MED13: variants seen among roughly 807,000 people sequenced by gnomAD.
MED13 encodes the protein mediator complex subunit 13.
In MED13, 23 loss-of-function variants were observed where a neutral mutation model predicts 225.2. That is an observed-to-expected ratio of 0.10 (90% confidence interval 0.07 to 0.14). The LOEUF (loss-of-function observed/expected upper bound fraction) is 0.14, where lower values mean the gene tolerates loss of function less well. MED13 is among the 10% of genes least tolerant of loss of function. The pLI, the probability that MED13 is intolerant of heterozygous loss-of-function variation, is 1.00. For synonymous variants in MED13, 942 were observed against 889.2 expected, an observed-to-expected ratio of 1.06 and a Z score of -1.06; for missense variants, 2,197 against 2,594.5, an observed-to-expected ratio of 0.85 and a Z score of 3.33.
intron 8 of MED13, among the ~76,000 whole-genome samples, chr17:62,011,755 G>A (rs1381828207): frequency 1.3e-5 from 2 of 151,976 alleles, no homozygotes; most frequent in African/African-American, 2.4e-5. Flanking sequence ...CTGATTGATG[G>A]GCCTCACACC....
chr17:62,015,955 T>TATATATATATATATATA (rs1491450985), intron 8 of MED13, among the ~76,000 whole-genome samples: 4 of 4,030 alleles, frequency 9.9e-4, no homozygotes, highest in Non-Finnish European at 1.3e-3. Flanking sequence ...TATATATATA[T>TATATATATATATATATA]TTTTTTTTTT....
At chr17:61,960,099 G>T (rs546687353) in intron 23 of MED13, among the ~76,000 whole-genome samples, 6 of 152,118 alleles carry the variant, frequency 3.9e-5, no homozygotes, top group African/African-American at 9.6e-5. Context: ...GCGTTCACTA[G>T]CCTTGAAAAC....
At chr17:61,965,663 G>A (rs373919758) in intron 19 of MED13, among the ~76,000 whole-genome samples, 195 bp from the exon 20 acceptor site, 3 of 151,874 alleles carry the variant, frequency 2.0e-5, no homozygotes, top group Non-Finnish European at 4.4e-5. Context: ...ATTTAAAATG[G>A]AATTGAAAAA....
chr17:62,009,390 G>GA (rs991923742), intron 9 of MED13, among the ~76,000 whole-genome samples: 15 of 151,288 alleles, frequency 9.9e-5, no homozygotes, highest in Non-Finnish European at 2.1e-4. Context: ...TAATACATCA[G>GA]AAAAAAAAGA....
intron 16 of MED13, among the ~76,000 whole-genome samples, chr17:61,973,986 AAAAAACAAAAAC>A (rs796790534): frequency 2.0e-5 from 3 of 152,176 alleles, no homozygotes; most frequent in African/African-American, 7.2e-5. Flanking sequence ...CTGTTGTCTC[AAAAAACAAAAAC>A]AAAAACAAAA....
chr17:61,975,145 A>G (rs2080143040), intron 16 of MED13, among the ~76,000 whole-genome samples: 1 of 152,104 alleles, frequency 6.6e-6, no homozygotes. Flanking sequence ...ATCTTAAAAA[A>G]AAAAAAAATG....
intron 28 of MED13, among the ~76,000 whole-genome samples, chr17:61,948,876 G>A (rs975931545): frequency 6.6e-6 from 1 of 151,202 alleles, no homozygotes; most frequent in Admixed American, 6.6e-5. Context: ...CACGAGGTCA[G>A]GAGATCGAGA....
Position 62,030,522 on chromosome 17 carries a change from A to T in MED13, c.1010-509T>A, listed in dbSNP as rs183903503. ...GGCCAGGATGAGCCCCTGCAGCGGC[A>T]GCACTCTGGCCCTTCTGTCCCTGCC... On this transcript the variant is annotated intron_variant, in intron 6 of 29. Coordinates refer to ENST00000397786, the MANE Select transcript of MED13 (RefSeq NM_005121.3). 1,139 of 152,568 alleles carry T rather than the reference A, an allele frequency of 7.5e-3. 3 individuals carry two copies. The highest frequency in any genetic ancestry group is 0.011 in the Non-Finnish European group (724 of 68,228). 9.5% of individuals were successfully genotyped at this position (152,568 alleles called of 1,614,324 possible).
At chr17:61,989,896 T>C (rs1008082853) in intron 11 of MED13, among the ~76,000 whole-genome samples, 1 of 152,242 alleles carries the variant, frequency 6.6e-6, no homozygotes, top group African/African-American at 2.4e-5. Context: ...TTTCTATTAC[T>C]GTGAAAAGTG....
intron 9 of MED13, 146 bp downstream of exon 9, chr17:62,010,402 AAC>A (rs1020053310): frequency 2.0e-6 from 1 of 498,074 alleles, no homozygotes; most frequent in Non-Finnish European, 3.2e-6. Context: ...CTGAGGAAAA[AAC>A]ACAGTAAAGG....
At chr17:62,024,354 T>C (rs2080679196) in intron 8 of MED13, among the ~76,000 whole-genome samples, 1 of 152,184 alleles carries the variant, frequency 6.6e-6, no homozygotes, top group Admixed American at 6.5e-5. Flanking sequence ...AAGTTCAGCT[T>C]AAAGACCAAG....
At chr17:61,954,389 T>A (rs931912607) in intron 26 of MED13, among the ~76,000 whole-genome samples, 1 of 152,150 alleles carries the variant, frequency 6.6e-6, no homozygotes, top group African/African-American at 2.4e-5. Flanking sequence ...CAAATCAACA[T>A]AAGAGATATA....
In MED13 at chr17:62,010,765, C is replaced by G. The variant is rs1285403547; in HGVS notation, c.1752G>C (p.Gln584His). 5 of 1,614,004 alleles carry G rather than the reference C, an allele frequency of 3.1e-6. No individual in the cohort carries two copies. In the African/African-American group the frequency reaches 5.3e-5, roughly 17 times the overall value. Residue 584 changes from glutamine (Q) to histidine (H), a missense_variant, in exon 9 of 30, where the codon CAG (glutamine) becomes CAC (histidine). By Grantham distance (24) the Gln-to-His change is conservative. This residue lies in a region of MED13 where 884 missense variants were observed against 918.5 expected (regional missense o/e 0.96). Transcript: ENST00000397786. Reference sequence around the variant, plus strand: ...CTTCCTGATATTGAGGTGGGAAAGACTGGGACAAACTGTCTATCCTATCTT... The same window carrying G: ...CTTCCTGATATTGAGGTGGGAAAGAGTGGGACAAACTGTCTATCCTATCTT... ...PMEDRIDSLS[Q>H]SFPPQYQEAV...
intron 28 of MED13, among the ~76,000 whole-genome samples, chr17:61,948,640 T>C (rs2079869961): frequency 6.6e-6 from 1 of 151,602 alleles, no homozygotes; most frequent in African/African-American, 2.4e-5. Flanking sequence ...ACTACTAGTA[T>C]ATAGAAAATC....
chr17:62,060,528 T>C (rs1265286497), intron 2 of MED13, among the ~76,000 whole-genome samples: 4 of 148,098 alleles, frequency 2.7e-5, no homozygotes, highest in Non-Finnish European at 6.0e-5. Flanking sequence ...GCTGAGGTAG[T>C]AGGAGTATGG....
At chr17:61,972,565 A>G (rs2080119422) in intron 17 of MED13, among the ~76,000 whole-genome samples, 162 bp downstream of exon 17, 1 of 152,166 alleles carries the variant, frequency 6.6e-6, no homozygotes, top group Admixed American at 6.6e-5. Context: ...AGTAAGCTGA[A>G]TGTTGGAAAT....
rs528792654 is a variant in MED13, at chr17:61,991,990, G to C, written c.2263+550C>G. Among the ~76,000 whole-genome samples the C allele has an allele frequency of 8.5e-5, 13 of 152,322 alleles. No homozygotes were observed. In the South Asian group the frequency reaches 1.2e-3, roughly 15 times the overall value. On this transcript the variant is annotated intron_variant, in intron 11 of 29. Coordinates refer to ENST00000397786, the MANE Select transcript of MED13 (RefSeq NM_005121.3). ...TAAACAATGGAGACAGGTATGAAGA[G>C]AACTGATAGTCTTCGAATTGTAACC...
chr17:61,964,892 C>G (rs898734777), intron 20 of MED13, 114 bp downstream of exon 20: 13 of 970,506 alleles, frequency 1.3e-5, no homozygotes, highest in Non-Finnish European at 1.8e-5. Context: ...GTGCAGATCC[C>G]ACCACTGCAG....
chr17:61,960,772 A>G, intron 23 of MED13, 95 bp downstream of exon 23: 1 of 805,960 alleles, frequency 1.2e-6, no homozygotes, highest in African/African-American at 1.7e-5. Context: ...ATATTTTAAT[A>G]TATATAAAAC....
Sources: allele counts gnomAD v4.1 joint callset (sites outside exome capture counted in the v4.1 genomes callset), GRCh38; gene constraint gnomAD v4.1.1; regional missense constraint gnomAD v4.1.1; transcripts MANE v1.5; gene names NCBI Gene and HGNC (gene_info 2026-07-23, HGNC 2026-07-21).